The following STAG1 variants were observed in gnomAD, a reference collection of about 807,000 sequenced individuals.
STAG1 encodes the protein cohesin subunit SA-1.
In STAG1, 26 loss-of-function variants were observed where a neutral mutation model predicts 170.9. The observed-to-expected ratio is 0.15, with a 90% CI of 0.11 to 0.21. The LOEUF is 0.21. Among genes scored for constraint, STAG1 ranks in the 10% least tolerant of loss-of-function variants. The pLI is 1.00. For missense variants in STAG1, 964 were observed against 1,509.5 expected, an observed-to-expected ratio of 0.64 and a Z score of 5.99; for synonymous variants, 514 against 497.7, an observed-to-expected ratio of 1.03 and a Z score of -0.44.
chr3:136,447,596 ATTTTT>A lies in STAG1; in HGVS notation c.1429-4197_1429-4193del, dbSNP rs777110138. On this transcript the variant is annotated intron_variant, in intron 14 of 33. Transcript: ENST00000383202. ...TCCTTATCCCTCTGAAAAGCATCAC[ATTTTT>A]TTTTTTTTTTTTTTTTTTTTTTTGA... Among the ~76,000 whole-genome samples, 296 of 74,308 alleles carry A rather than the reference ATTTTT, an allele frequency of 4.0e-3. 3 individuals are homozygous for A. The highest frequency in any genetic ancestry group is 0.03 in the Admixed American group (174 of 5,888). 48.7% of individuals were successfully genotyped at this position (74,308 alleles called of 152,430 possible). A position where few individuals can be genotyped will look rare whatever the true frequency, so the allele number is the denominator to read the frequency against.
intron 1 of STAG1, among the ~76,000 whole-genome samples, chr3:136,675,549 G>T (rs1183418735): frequency 6.6e-6 from 1 of 152,114 alleles, no homozygotes; most frequent in African/African-American, 2.4e-5. Context: ...TTAAAGTTGA[G>T]ATATACAATT....
chr3:136,732,429 A>G (rs1205369087), intron 1 of STAG1, among the ~76,000 whole-genome samples: 1 of 152,142 alleles, frequency 6.6e-6, no homozygotes, highest in Non-Finnish European at 1.5e-5. Flanking sequence ...ATCCTGATAA[A>G]GCCATCAAAA....
intron 3 of STAG1, among the ~76,000 whole-genome samples, chr3:136,614,028 A>G (rs1272428696): frequency 6.6e-6 from 1 of 152,084 alleles, no homozygotes; most frequent in African/African-American, 2.4e-5. Context: ...CGGCCTGGCC[A>G]GCATGGTGAA....
At chr3:136,575,022 T>C (rs1937404204) in intron 4 of STAG1, among the ~76,000 whole-genome samples, 1 of 152,142 alleles carries the variant, frequency 6.6e-6, no homozygotes, top group South Asian at 2.1e-4. Context: ...GTAACAAAAA[T>C]ATACCTAAAA....
At chr3:136,575,462 A>C (rs1356853685) in intron 4 of STAG1, among the ~76,000 whole-genome samples, 1 of 152,172 alleles carries the variant, frequency 6.6e-6, no homozygotes, top group Non-Finnish European at 1.5e-5. Flanking sequence ...TGGGCTCAAG[A>C]AATCCTCCCA....
rs1935715501 is a variant in STAG1, at chr3:136,337,197, T to C, written c.*1057A>G. On this transcript the variant is annotated 3_prime_UTR_variant, in exon 34 of 34. Coordinates refer to ENST00000383202, the MANE Select transcript of STAG1 (RefSeq NM_005862.3). Reference sequence around the variant, plus strand: ...GCACATACTTCTATAATCAGTAAACTTAATTCACAAAATTAGCGCATAAGG... The same window carrying C: ...GCACATACTTCTATAATCAGTAAACCTAATTCACAAAATTAGCGCATAAGG... The C allele has an allele frequency of 6.6e-6, 1 of 152,664 alleles. No individual in the cohort carries two copies. Among genetic ancestry groups the C allele is most frequent in the South Asian group, 2.1e-4 (1 of 4,834 alleles). 9.5% of individuals were successfully genotyped at this position (152,664 alleles called of 1,614,324 possible).
At chr3:136,648,804 C>T (rs917028535) in intron 1 of STAG1, among the ~76,000 whole-genome samples, 4 of 152,142 alleles carry the variant, frequency 2.6e-5, no homozygotes, top group South Asian at 2.1e-4. Context: ...TAAATAAACG[C>T]CCCTGCTGTC....
chr3:136,346,741 G>A (rs374883113), intron 29 of STAG1, among the ~76,000 whole-genome samples: 23 of 152,310 alleles, frequency 1.5e-4, no homozygotes, highest in African/African-American at 5.3e-4. Context: ...ATGATATAAC[G>A]CATGTTAAAA....
At chr3:136,707,206 T>C (rs1439655608) in intron 1 of STAG1, among the ~76,000 whole-genome samples, 1 of 152,182 alleles carries the variant, frequency 6.6e-6, no homozygotes, top group African/African-American at 2.4e-5. Flanking sequence ...TTATATAAAC[T>C]GGACCTTGTC....
At chr3:136,486,999 CAAAAAAAAAAAA>C (rs536392595) in intron 9 of STAG1, among the ~76,000 whole-genome samples, 23 of 54,662 alleles carry the variant, frequency 4.2e-4, no homozygotes, top group South Asian at 1.6e-3. Context: ...TTTATTTCTT[CAAAAAAAAAAAA>C]AAAAAAAAAA....
intron 1 of STAG1, among the ~76,000 whole-genome samples, chr3:136,691,826 A>G (rs1244133233): frequency 6.6e-6 from 1 of 152,216 alleles, no homozygotes; most frequent in Non-Finnish European, 1.5e-5. Flanking sequence ...TAAGTAGATC[A>G]TCTACATATC....
At chr3:136,346,045 G>C (rs893717832) in intron 29 of STAG1, among the ~76,000 whole-genome samples, 2 of 152,098 alleles carry the variant, frequency 1.3e-5, no homozygotes, top group African/African-American at 4.8e-5. Flanking sequence ...TCTGAACCTG[G>C]TAAACTCGTC....
Position 136,577,822 on chromosome 3 carries a change from A to G in STAG1, c.298-8961T>C, listed in dbSNP as rs555639283. 3.2e-4 allele frequency among the ~76,000 whole-genome samples: 49 copies of G among 152,370 alleles called. 2 individuals are homozygous for G. The South Asian group carries it at 9.9e-3, about 31-fold the overall frequency. On this transcript the variant is annotated intron_variant, in intron 4 of 33. Coordinates refer to ENST00000383202, the MANE Select transcript of STAG1 (RefSeq NM_005862.3). The stretch of plus-strand genomic sequence containing the variant: ...TTACCAAAGGAGGTGGTATAAAACC[A>G]TAACACGCCAAATTCATTGGTATCA...
chr3:136,652,410 A>C (rs1271425027), intron 1 of STAG1, among the ~76,000 whole-genome samples: 4 of 152,246 alleles, frequency 2.6e-5, no homozygotes, highest in African/African-American at 9.6e-5. Flanking sequence ...ATACTTAGGC[A>C]GGATAAACTA....
chr3:136,642,070 A>AAT (rs1273758398), intron 1 of STAG1, among the ~76,000 whole-genome samples: 4 of 152,126 alleles, frequency 2.6e-5, no homozygotes, highest in African/African-American at 2.4e-5. Context: ...TACTCTTAGT[A>AAT]ATACACTTAC....
At chr3:136,571,728 A>C (rs1937272023) in intron 4 of STAG1, among the ~76,000 whole-genome samples, 1 of 151,946 alleles carries the variant, frequency 6.6e-6, no homozygotes, top group African/African-American at 2.4e-5. Context: ...AAAACAAAAA[A>C]ATATTAGTGA....
intron 4 of STAG1, among the ~76,000 whole-genome samples, chr3:136,577,670 T>G (rs114749752): frequency 0.016 from 2,468 of 152,214 alleles, 75 homozygotes; most frequent in African/African-American, 0.056. Flanking sequence ...TGCCACTAGA[T>G]CCATGACTAG....
chr3:136,695,035 T>TA (rs1942843214), intron 1 of STAG1, among the ~76,000 whole-genome samples: 1 of 152,216 alleles, frequency 6.6e-6, no homozygotes, highest in Non-Finnish European at 1.5e-5. Context: ...TTCCGACTCT[T>TA]AAATGCATTT....
At chr3:136,655,649 G>C (rs1346509476) in intron 1 of STAG1, among the ~76,000 whole-genome samples, 1 of 152,130 alleles carries the variant, frequency 6.6e-6, no homozygotes, top group Non-Finnish European at 1.5e-5. Flanking sequence ...GGTAGTTCCA[G>C]CTACTCAGGA....
Sources: gnomAD v4.1 joint callset for allele counts (sites outside exome capture counted in the v4.1 genomes callset) on GRCh38, gnomAD v4.1.1 for gene constraint, MANE v1.5 for transcripts, NCBI Gene and HGNC (gene_info 2026-07-23, HGNC 2026-07-21) for gene names.